DNAH12: variants seen among roughly 807,000 people sequenced by gnomAD.
DNAH12 encodes axonemal beta dynein heavy chain 12.
DNAH12 carries 285 observed loss-of-function variants against 371.5 expected under a neutral mutation model. The observed-to-expected ratio is 0.77, with a 90% CI of 0.70 to 0.85. The LOEUF (loss-of-function observed/expected upper bound fraction) is 0.85. DNAH12 is among the 40% of genes least tolerant of loss of function. The pLI is 0.00. For synonymous variants in DNAH12, 1,200 were observed against 1,213.0 expected, an observed-to-expected ratio of 0.99 and a Z score of 0.22; for missense variants, 3,611 against 3,689.4, an observed-to-expected ratio of 0.98 and a Z score of 0.55.
chr3:57,360,612 C>A (rs1011228366), intron 58 of DNAH12, among the ~76,000 whole-genome samples: 1 of 152,050 alleles, frequency 6.6e-6, no homozygotes, highest in Admixed American at 6.6e-5. Flanking sequence ...CGCTTGAACT[C>A]GGAGGCGAAG....
chr3:57,402,482 A>G (rs1218873554), intron 43 of DNAH12: 1 of 1,251,136 alleles, frequency 8.0e-7, no homozygotes, highest in African/African-American at 1.6e-5. Flanking sequence ...CATCAACATC[A>G]TCATCAGGTT....
chr3:57,312,852 G>T (rs1164723874), intron 66 of DNAH12, among the ~76,000 whole-genome samples: 1 of 152,104 alleles, frequency 6.6e-6, no homozygotes, highest in Non-Finnish European at 1.5e-5. Flanking sequence ...TCCAGTTAAG[G>T]TTTCTGCCCT....
At chr3:57,408,243 G>C in intron 40 of DNAH12, 37 bp downstream of exon 40, 1 of 1,473,480 alleles carries the variant, frequency 6.8e-7, no homozygotes, top group Non-Finnish European at 9.0e-7. Flanking sequence ...AGGGAAATAT[G>C]TAATACTAAA....
At chr3:57,501,541 T>C in intron 10 of DNAH12, 129 bp from the exon 11 acceptor site, 2 of 607,768 alleles carry the variant, frequency 3.3e-6, no homozygotes, top group Admixed American at 7.4e-5. Context: ...TTAACATACA[T>C]GATTTACTAT....
At position 57,425,021 on chromosome 3, in the gene DNAH12, C is replaced by T; in HGVS notation, c.5373+1G>A. On this transcript the variant is annotated splice_donor_variant, in intron 35 of 73. Transcript: ENST00000495027. LOFTEE classifies it high-confidence loss of function. The stretch of plus-strand genomic sequence containing the variant: ...AAAACTACATGAAGTATAAAACCAA[C>T]CATAATCCAAACACGAATGTGCTTG... 2 of 701,102 alleles carry T rather than the reference C, an allele frequency of 2.9e-6. No homozygotes were observed. Among genetic ancestry groups the T allele is most frequent in the South Asian group, 1.5e-5 (1 of 67,220 alleles). The allele number at this position is 701,102 out of a possible 1,614,324, so 43.4% of individuals were successfully genotyped here.
At chr3:57,432,661 AC>A (rs1222747636) in intron 32 of DNAH12, among the ~76,000 whole-genome samples, 1 of 152,182 alleles carries the variant, frequency 6.6e-6, no homozygotes, top group Non-Finnish European at 1.5e-5. Flanking sequence ...TTTAAAAAAA[AC>A]ACTGAAGAAT....
At chr3:57,518,575 G>A (rs927981707) in intron 4 of DNAH12, among the ~76,000 whole-genome samples, 2 of 151,976 alleles carry the variant, frequency 1.3e-5, no homozygotes, top group Non-Finnish European at 2.9e-5. Context: ...GCTGCTGTTG[G>A]CTGCTGTGGT....
rs1305008853 is a variant in DNAH12 at position 57,459,675 on chromosome 3, G to C, written c.2848C>G (p.Gln950Glu). 1.3e-6 allele frequency: 2 copies of C among 1,549,510 alleles called. No individual in the cohort carries two copies. The highest frequency in any genetic ancestry group is 2.4e-5 in the South Asian group (2 of 83,812). ...AATTGACGCCCTTCTTCTGGCATCTGTTGCATGATATCCTCAGAACAAAAG... is the reference window on the plus strand; with the variant it reads ...AATTGACGCCCTTCTTCTGGCATCTCTTGCATGATATCCTCAGAACAAAAG... ...PIFCSEDIMQ[Q>E]MPEEGRQFQT... The change falls in exon 20 of 74, where the codon CAG (glutamine) becomes GAG (glutamate). Residue 950 changes from glutamine (Q) to glutamate (E), a missense_variant. Physicochemically the swap from Gln to Glu is conservative, Grantham distance 29. Around this residue, in one of 3 missense-constraint regions of DNAH12, gnomAD observed 1,314 missense variants for 1,398.7 expected, o/e 0.94. Coordinates refer to ENST00000495027, the MANE Select transcript of DNAH12 (RefSeq NM_001366028.2).
At chr3:57,476,120 T>C (rs2066514540) in intron 13 of DNAH12, among the ~76,000 whole-genome samples, 1 of 152,134 alleles carries the variant, frequency 6.6e-6, no homozygotes. Context: ...AACAATGACA[T>C]TACTAACATA....
intron 13 of DNAH12, among the ~76,000 whole-genome samples, chr3:57,474,185 G>A (rs7612750): frequency 0.67 from 101,661 of 152,024 alleles, 34,240 homozygotes; most frequent in South Asian, 0.75. Context: ...AGGAAAAACA[G>A]AACTGTCATC....
chr3:57,412,559 C>T (rs1553683368), intron 39 of DNAH12, among the ~76,000 whole-genome samples: 5 of 152,092 alleles, frequency 3.3e-5, no homozygotes, highest in Non-Finnish European at 7.4e-5. Context: ...GGACTATTAT[C>T]CAAAATATAC....
chr3:57,477,815 G>A (rs1327032251), intron 13 of DNAH12, among the ~76,000 whole-genome samples: 2 of 152,158 alleles, frequency 1.3e-5, no homozygotes, highest in African/African-American at 2.4e-5. Flanking sequence ...GGCAAACAGG[G>A]TCTGGAGTGG....
intron 66 of DNAH12, among the ~76,000 whole-genome samples, chr3:57,314,065 G>T (rs1405145489): frequency 6.6e-6 from 1 of 152,174 alleles, no homozygotes; most frequent in Non-Finnish European, 1.5e-5. Context: ...TCTGCTGAAA[G>T]TAGACAAGCT....
rs2066276569 is a variant in DNAH12 at position 57,468,757 on chromosome 3, C to G, written c.2328G>C (p.Met776Ile). The G allele has an allele frequency of 6.8e-7, 1 of 1,481,286 alleles. No individual in the cohort carries two copies. The allele number at this position is 1,481,286 out of a possible 1,614,324, so 91.8% of individuals were successfully genotyped here. A position where few individuals can be genotyped will look rare whatever the true frequency, so the allele number is the denominator to read the frequency against. Residue 776 changes from methionine (M) to isoleucine (I), a missense_variant, in exon 17 of 74, where the codon ATG becomes ATC. Met to Ile is a conservative substitution (Grantham distance 10). Coordinates refer to ENST00000495027, the MANE Select transcript of DNAH12 (RefSeq NM_001366028.2). ...ATACCTTAAAAGCTTTTATCTGTTC[C>G]ATGACTGTACTGCACATAGTAATAG... is the stretch of plus-strand genomic sequence containing the variant. ...NATITMCSTV[M>I]EQIKAFKEYI...
intron 73 of DNAH12, among the ~76,000 whole-genome samples, chr3:57,295,172 G>A (rs1015290691): frequency 2.0e-5 from 3 of 152,156 alleles, no homozygotes; most frequent in Non-Finnish European, 2.9e-5. Context: ...GCGGGAGACT[G>A]TGTCAAGCTA....
In DNAH12 at chr3:57,428,827, GA is replaced by G; in HGVS notation, c.5065-7del. ...CAACGACTTACAGTGGCAGGCTAGA[GA>G]AAAAAGGCAACTTTTTGCACTGTTG... On this transcript the variant is annotated splice_polypyrimidine_tract_variant and splice_region_variant and intron_variant, in intron 33 of 73. Transcript: ENST00000495027. 6.6e-7 allele frequency: 1 copy of G among 1,512,270 alleles called. No individual in the cohort carries two copies. 93.7% of individuals were successfully genotyped at this position (1,512,270 alleles called of 1,614,324 possible). A position where few individuals can be genotyped will look rare whatever the true frequency, so the allele number is the denominator to read the frequency against.
chr3:57,380,797 C>A (rs2063374348), intron 50 of DNAH12, among the ~76,000 whole-genome samples: 1 of 152,110 alleles, frequency 6.6e-6, no homozygotes, highest in African/African-American at 2.4e-5. Flanking sequence ...CAACTTACAT[C>A]TCCTTGGAAA....
intron 11 of DNAH12, among the ~76,000 whole-genome samples, chr3:57,492,447 C>T (rs922692449): frequency 2.0e-5 from 3 of 151,252 alleles, no homozygotes; most frequent in African/African-American, 7.3e-5. Flanking sequence ...GCAACAAGAG[C>T]AAAACTCCAA....
rs2153344895 is a variant in DNAH12, at chr3:57,384,839, T to C, written c.7850A>G (p.Asp2617Gly). The change falls in exon 49 of 74, where the codon GAT becomes GGT. Residue 2617 changes from aspartate to glycine, a missense_variant. Around this residue, in one of 3 missense-constraint regions of DNAH12, gnomAD observed 2,266 missense variants for 2,236.9 expected, o/e 1.01. Coordinates refer to ENST00000495027, the MANE Select transcript of DNAH12 (RefSeq NM_001366028.2). ...PALEAALSAL[D>G]TLKPADITIV... Reference sequence around the variant, plus strand: ...AATTCAAACACTTGCCTTAAGTGTATCCAGTGCAGACAGAGCTGCTTCCAA... The same window carrying C: ...AATTCAAACACTTGCCTTAAGTGTACCCAGTGCAGACAGAGCTGCTTCCAA... 6.6e-6 allele frequency: 1 copy of C among 152,300 alleles called. No individual in the cohort carries two copies. Among genetic ancestry groups the C allele is most frequent in the Admixed American group, 6.5e-5 (1 of 15,302 alleles). The allele number at this position is 152,300 out of a possible 1,614,324, so 9.4% of individuals were successfully genotyped here.
Sources: gnomAD v4.1 joint callset for allele counts (sites outside exome capture counted in the v4.1 genomes callset) on GRCh38, gnomAD v4.1.1 for gene constraint, gnomAD v4.1.1 regional missense constraint, MANE v1.5 for transcripts, NCBI Gene and HGNC (gene_info 2026-07-23, HGNC 2026-07-21) for gene names.